NUGGC: variants seen among roughly 807,000 people sequenced by gnomAD.
NUGGC encodes nuclear GTPase SLIP-GC.
In NUGGC, 58 loss-of-function variants were observed where a neutral mutation model predicts 92.6. That is an observed-to-expected ratio of 0.63 (90% CI 0.51 to 0.78). NUGGC has a LOEUF of 0.78. Among genes scored for constraint, NUGGC ranks in the 30% least tolerant of loss-of-function variants. The pLI is 0.00. For synonymous variants in NUGGC, 376 were observed against 366.4 expected (o/e 1.03, Z -0.30); for missense variants, 925 against 964.6 (o/e 0.96, Z 0.54).
At chr8:28,046,708 T>C (rs187937057) in intron 11 of NUGGC, among the ~76,000 whole-genome samples, 234 of 144,134 alleles carry the variant, frequency 1.6e-3, no homozygotes, top group Non-Finnish European at 2.0e-3. Flanking sequence ...GAGACGAAGT[T>C]CCACTGTTGT....
intron 17 of NUGGC, among the ~76,000 whole-genome samples, chr8:28,028,073 A>G (rs1809314924): frequency 6.6e-6 from 1 of 152,212 alleles, no homozygotes; most frequent in Admixed American, 6.5e-5. Flanking sequence ...AAAAAAAAAA[A>G]AAAATCACAG....
chr8:28,038,129 C>A (rs933861515), intron 13 of NUGGC, among the ~76,000 whole-genome samples: 1 of 152,198 alleles, frequency 6.6e-6, no homozygotes, highest in African/African-American at 2.4e-5. Context: ...GGCCAATACA[C>A]TTCCTCATGG....
chr8:28,081,541 C>T (rs978724401), intron 1 of NUGGC, among the ~76,000 whole-genome samples: 2 of 152,114 alleles, frequency 1.3e-5, no homozygotes, highest in African/African-American at 2.4e-5. Flanking sequence ...GTTCTTGTCC[C>T]TATTGATCAA....
intron 13 of NUGGC, among the ~76,000 whole-genome samples, chr8:28,034,574 G>C (rs145021049): frequency 6.6e-6 from 1 of 152,096 alleles, no homozygotes; most frequent in African/African-American, 2.4e-5. Flanking sequence ...TCAGCACTTC[G>C]GGAGGCCAAG....
chr8:28,060,705 C>A, intron 7 of NUGGC, 104 bp from the exon 8 acceptor site: 3 of 915,788 alleles, frequency 3.3e-6, no homozygotes, highest in Non-Finnish European at 4.9e-6. Flanking sequence ...CAGTCCCACC[C>A]CTCACCGCTC....
chr8:28,071,856 A>G (rs1810598518), intron 2 of NUGGC, among the ~76,000 whole-genome samples: 1 of 152,170 alleles, frequency 6.6e-6, no homozygotes, highest in South Asian at 2.1e-4. Context: ...TAGATCCCCA[A>G]GAATCACAGG....
chr8:28,062,028 T>C (rs1810319702), intron 7 of NUGGC, among the ~76,000 whole-genome samples: 1 of 152,140 alleles, frequency 6.6e-6, no homozygotes, highest in African/African-American at 2.4e-5. Flanking sequence ...GCAGAACTGC[T>C]CTGGTTGAAT....
intron 18 of NUGGC, among the ~76,000 whole-genome samples, chr8:28,026,171 G>A (rs1023537425): frequency 2.6e-5 from 4 of 152,108 alleles, no homozygotes; most frequent in African/African-American, 7.2e-5. Context: ...TTTAATTTGA[G>A]CAGTGCTTTA....
chr8:28,068,484 G>T (rs1040112249), intron 4 of NUGGC, 46 bp from the exon 5 acceptor site: 1 of 1,320,870 alleles, frequency 7.6e-7, no homozygotes, highest in Non-Finnish European at 1.1e-6. Context: ...TCAAAGTTTA[G>T]AGTGAAGAGC....
intron 14 of NUGGC, 70 bp from the exon 15 acceptor site, chr8:28,031,451 T>G (rs1004091445): frequency 1.1e-5 from 16 of 1,417,548 alleles, no homozygotes; most frequent in Middle Eastern, 3.6e-4. Flanking sequence ...AACACGAAAC[T>G]AGCTGGTGTC....
Position 28,023,466 on chromosome 8 carries a change from C to G in NUGGC, c.2246-4G>C. ...TCCTTGTATTCACTCCCGACATCTA[C>G]AGGAGAGCAGAAAGCTCACATCAGG... On this transcript the variant is annotated splice_region_variant and splice_polypyrimidine_tract_variant and intron_variant, in intron 18 of 18. Transcript: ENST00000413272. The G allele has an allele frequency of 6.2e-7, 1 of 1,611,194 alleles. No homozygotes were observed. The highest frequency in any genetic ancestry group is 8.5e-7 in the Non-Finnish European group (1 of 1,178,500).
intron 8 of NUGGC, among the ~76,000 whole-genome samples, chr8:28,058,808 T>G (rs910979264): frequency 1.2e-4 from 19 of 152,106 alleles, no homozygotes; most frequent in Non-Finnish European, 2.8e-4. Context: ...GTCCAAGCGA[T>G]TCCCCTGCCT....
chr8:28,081,035 T>C (rs943194552), intron 1 of NUGGC, among the ~76,000 whole-genome samples: 19 of 151,986 alleles, frequency 1.3e-4, no homozygotes, highest in African/African-American at 4.4e-4. Flanking sequence ...CAAGAATTCA[T>C]TGGCCAGGCA....
At chr8:28,079,936 GT>G (rs747151895) in intron 1 of NUGGC, among the ~76,000 whole-genome samples, 9 of 151,550 alleles carry the variant, frequency 5.9e-5, no homozygotes, top group Admixed American at 2.0e-4. Flanking sequence ...TTGTTTTTTT[GT>G]TTGTTTGTTT....
chr8:28,083,226 C>T lies in NUGGC; in HGVS notation c.-47+549G>A, dbSNP rs538479085. On this transcript the variant is annotated intron_variant, in intron 1 of 18. Coordinates refer to ENST00000413272, the MANE Select transcript of NUGGC (RefSeq NM_001010906.2). ...ACCAGGTGGTCAAGGTCAACACCAA[C>T]AGTCCTAAATCATGTTGACAATATT... 2.0e-5 allele frequency among the ~76,000 whole-genome samples: 3 copies of T among 152,308 alleles called. No individual in the cohort carries two copies. The South Asian group carries it at 6.2e-4, about 32-fold the overall frequency.
chr8:28,068,969 C>T (rs914582305), intron 4 of NUGGC, among the ~76,000 whole-genome samples: 7 of 152,184 alleles, frequency 4.6e-5, no homozygotes, highest in African/African-American at 1.7e-4. Flanking sequence ...AAGTGGTCCA[C>T]CCGCCTCGGC....
chr8:28,024,305 A>C (rs1344545928), intron 18 of NUGGC, among the ~76,000 whole-genome samples: 3 of 143,342 alleles, frequency 2.1e-5, no homozygotes, highest in Non-Finnish European at 3.0e-5. Flanking sequence ...TCGGCCTCCC[A>C]AAGTGTTGGG....
intron 18 of NUGGC, among the ~76,000 whole-genome samples, chr8:28,025,178 C>T (rs1031268560): frequency 2.0e-5 from 3 of 152,230 alleles, no homozygotes; most frequent in Admixed American, 6.5e-5. Context: ...TGATCAGAAT[C>T]GCTTGCTGAG....
intron 11 of NUGGC, among the ~76,000 whole-genome samples, chr8:28,046,627 A>G (rs1360432505): frequency 1.3e-5 from 2 of 152,148 alleles, no homozygotes; most frequent in African/African-American, 4.8e-5. Flanking sequence ...CACTCAGGAA[A>G]CAATTCTAAT....
Sources: gnomAD v4.1 joint callset for allele counts (sites outside exome capture counted in the v4.1 genomes callset) on GRCh38, gnomAD v4.1.1 for gene constraint, MANE v1.5 for transcripts, NCBI Gene and HGNC (gene_info 2026-07-23, HGNC 2026-07-21) for gene names.